Variants in GABRA4 observed in about 807,000 individuals in gnomAD.
GABRA4 encodes the protein gamma-aminobutyric acid type A receptor subunit alpha4, also known as gamma-aminobutyric acid receptor subunit alpha-4.
In GABRA4, 12 loss-of-function variants were observed where a neutral mutation model predicts 49.7. That is an observed-to-expected ratio of 0.24 (90% confidence interval 0.15 to 0.39). The LOEUF (loss-of-function observed/expected upper bound fraction) is 0.39. Among genes scored for constraint, GABRA4 ranks in the 10% least tolerant of loss-of-function variants. The pLI is 1.00. For missense variants in GABRA4, 506 were observed against 686.0 expected (o/e 0.74, Z 2.93); for synonymous variants, 288 against 240.2 (o/e 1.20, Z -1.84).
intron 8 of GABRA4, among the ~76,000 whole-genome samples, chr4:46,946,503 C>T (rs1721986434): frequency 1.3e-5 from 2 of 152,020 alleles, no homozygotes; most frequent in Non-Finnish European, 2.9e-5. Flanking sequence ...TATTGTGTAG[C>T]CTTATGTTTC....
At position 46,921,313 on chromosome 4, in the gene GABRA4, A is replaced by G. The variant is rs944177085; in HGVS notation, c.*6912T>C. The G allele has an allele frequency of 3.3e-5, 5 of 151,930 alleles. No homozygotes were observed. The highest frequency in any genetic ancestry group is 1.2e-4 in the African/African-American group (5 of 41,430). 9.4% of individuals were successfully genotyped at this position (151,930 alleles called of 1,614,324 possible). A position where few individuals can be genotyped will look rare whatever the true frequency, so the allele number is the denominator to read the frequency against. ...TGAATTGAAGGACAGGAAAATATAA[A>G]CAGTGTAATAAATTAACATTGGGAT... On this transcript the variant is annotated 3_prime_UTR_variant, in exon 9 of 9. Coordinates refer to ENST00000264318, the MANE Select transcript of GABRA4 (RefSeq NM_000809.4).
intron 8 of GABRA4, among the ~76,000 whole-genome samples, chr4:46,943,235 CAG>C (rs1327555335): frequency 6.6e-6 from 1 of 152,096 alleles, no homozygotes; most frequent in Non-Finnish European, 1.5e-5. Context: ...ATTTAGATCT[CAG>C]AGATTAGCAC....
At position 46,927,902 on chromosome 4, in the gene GABRA4, A is replaced by G. The variant is rs1302862137; in HGVS notation, c.*323T>C. 1 of 205,096 alleles carries G rather than the reference A, an allele frequency of 4.9e-6. No homozygotes were observed. The highest frequency in any genetic ancestry group is 1.3e-4 in the East Asian group (1 of 7,686). The allele number at this position is 205,096 out of a possible 1,614,324, so 12.7% of individuals were successfully genotyped here. A position where few individuals can be genotyped will look rare whatever the true frequency, so the allele number is the denominator to read the frequency against. On this transcript the variant is annotated 3_prime_UTR_variant, in exon 9 of 9. Coordinates refer to ENST00000264318, the MANE Select transcript of GABRA4 (RefSeq NM_000809.4). The stretch of plus-strand genomic sequence containing the variant: ...TCATAGGGCAGATTTTTAAAATGTC[A>G]TAGTCTGTTTTCAAATATCAATGAA...
chr4:46,921,907 A>C lies in GABRA4; in HGVS notation c.*6318T>G, dbSNP rs1377718090. On this transcript the variant is annotated 3_prime_UTR_variant, in exon 9 of 9. Transcript: ENST00000264318. ...AATAGGAGAAAGGAAATTGACTGGCATATATCTTGGGCAGGATGTAGATTT... is the reference window on the plus strand; with the variant it reads ...AATAGGAGAAAGGAAATTGACTGGCCTATATCTTGGGCAGGATGTAGATTT... 3.9e-5 allele frequency: 6 copies of C among 152,118 alleles called. No homozygotes were observed. The highest frequency in any genetic ancestry group is 1.4e-4 in the African/African-American group (6 of 41,428). The allele number at this position is 152,118 out of a possible 1,614,324, so 9.4% of individuals were successfully genotyped here.
intron 1 of GABRA4, among the ~76,000 whole-genome samples, 157 bp from the exon 2 acceptor site, chr4:46,993,103 C>T (rs73813766): frequency 2.6e-5 from 4 of 152,078 alleles, no homozygotes; most frequent in African/African-American, 9.7e-5. Flanking sequence ...CAGAAATGGT[C>T]AGGAAAAGCG....
chr4:46,955,452 CTT>C (rs1722305820), intron 8 of GABRA4, among the ~76,000 whole-genome samples: 1 of 152,088 alleles, frequency 6.6e-6, no homozygotes, highest in South Asian at 2.1e-4. Context: ...TTCTTCTTCT[CTT>C]TGCCATTTTG....
chr4:46,971,096 A>G lies in GABRA4; in HGVS notation c.861T>C (p.Ala287=). 6.2e-7 allele frequency: 1 copy of G among 1,609,108 alleles called. No individual in the cohort carries two copies. The highest frequency in any genetic ancestry group is 2.2e-5 in the East Asian group (1 of 44,616). ...AATTGCAATTACCAAATACAGTCCT[A>G]GCGGGAACTGATTCTTTATTTATCC... ...SFWINKESVP[A]RTVFGITTVL... Residue 287 remains alanine, a synonymous_variant, in exon 7 of 9, where the codon GCT becomes GCC. Transcript: ENST00000264318.
intron 2 of GABRA4, among the ~76,000 whole-genome samples, chr4:46,985,992 T>C (rs1436775916): frequency 1.3e-5 from 2 of 151,726 alleles, no homozygotes; most frequent in Non-Finnish European, 2.9e-5. Context: ...AAGGCAAACT[T>C]TTCTCTTTCT....
chr4:46,976,832 C>T (rs184330123), intron 5 of GABRA4, among the ~76,000 whole-genome samples: 232 of 151,968 alleles, frequency 1.5e-3, no homozygotes, highest in African/African-American at 5.4e-3. Flanking sequence ...GTGACTAAGA[C>T]TACTTAGATT....
chr4:46,955,477 T>C (rs151125515), intron 8 of GABRA4, among the ~76,000 whole-genome samples: 60 of 152,228 alleles, frequency 3.9e-4, no homozygotes, highest in African/African-American at 1.3e-3. Context: ...TGGTAATACT[T>C]AATTTATTAC....
At chr4:46,978,593 A>T (rs1181175580) in intron 3 of GABRA4, among the ~76,000 whole-genome samples, 1 of 149,762 alleles carries the variant, frequency 6.7e-6, no homozygotes, top group Non-Finnish European at 1.5e-5. Flanking sequence ...AGGTTGAGGC[A>T]AGAGAATCAC....
chr4:46,974,636 C>T (rs1285275031), intron 5 of GABRA4, among the ~76,000 whole-genome samples: 1 of 151,884 alleles, frequency 6.6e-6, no homozygotes, highest in East Asian at 1.9e-4. Context: ...GATATTAAAA[C>T]TGAAGCATCT....
chr4:46,946,196 A>G (rs1472652969), intron 8 of GABRA4, among the ~76,000 whole-genome samples: 1 of 152,136 alleles, frequency 6.6e-6, no homozygotes, highest in African/African-American at 2.4e-5. Flanking sequence ...AAACCCTTTA[A>G]GCTGCATTTG....
chr4:46,979,072 T>C lies in GABRA4; in HGVS notation c.232A>G (p.Ile78Val). Reference sequence around the variant, plus strand: ...ACAGGTCCAAAGCTGGTGACATATATGTCAGTTTTCACTTCTGTAACAGGA... The same window carrying C: ...ACAGGTCCAAAGCTGGTGACATATACGTCAGTTTTCACTTCTGTAACAGGA... ...GGPVTEVKTD[I>V]YVTSFGPVSD... Residue 78 changes from isoleucine (I) to valine (V), a missense_variant, in exon 3 of 9, where the codon ATA becomes GTA. Transcript: ENST00000264318. 6.2e-7 allele frequency: 1 copy of C among 1,611,222 alleles called. No individual in the cohort carries two copies. Among genetic ancestry groups the C allele is most frequent in the Non-Finnish European group, 8.5e-7 (1 of 1,177,934 alleles).
At chr4:46,950,247 C>A (rs962074256) in intron 8 of GABRA4, among the ~76,000 whole-genome samples, 1 of 151,998 alleles carries the variant, frequency 6.6e-6, no homozygotes, top group Non-Finnish European at 1.5e-5. Flanking sequence ...GCTAACAAAA[C>A]GATCCTACTG....
At chr4:46,988,315 G>A (rs73813765) in intron 2 of GABRA4, among the ~76,000 whole-genome samples, 17 of 152,114 alleles carry the variant, frequency 1.1e-4, no homozygotes, top group Admixed American at 2.0e-4. Flanking sequence ...GTGAGGGCTC[G>A]TATCAGATCA....
chr4:46,991,600 T>C (rs1179142424), intron 2 of GABRA4, among the ~76,000 whole-genome samples: 1 of 152,194 alleles, frequency 6.6e-6, no homozygotes, highest in Non-Finnish European at 1.5e-5. Context: ...GCTTCTAATA[T>C]TAGATGATAC....
At chr4:46,968,374 G>GA (rs112787221) in intron 7 of GABRA4, among the ~76,000 whole-genome samples, 67 of 144,508 alleles carry the variant, frequency 4.6e-4, no homozygotes, top group Middle Eastern at 3.5e-3. Context: ...AATTTCTAAT[G>GA]AAAAAAAAAA....
intron 8 of GABRA4, among the ~76,000 whole-genome samples, chr4:46,944,228 T>C (rs1034863740): frequency 6.6e-6 from 1 of 152,186 alleles, no homozygotes; most frequent in Admixed American, 6.5e-5. Flanking sequence ...TGTCAAAACA[T>C]GATGCTGCAC....
Sources: gnomAD v4.1 joint callset for allele counts (sites outside exome capture counted in the v4.1 genomes callset) on GRCh38, gnomAD v4.1.1 for gene constraint, MANE v1.5 for transcripts, NCBI Gene and HGNC (gene_info 2026-07-23, HGNC 2026-07-21) for gene names.